The following LHX4 variants were observed in gnomAD, a reference collection of about 807,000 sequenced individuals.
LHX4 encodes the protein LIM/homeobox protein Lhx4.
LHX4 carries 16 observed loss-of-function variants against 39.2 expected under a neutral mutation model. That is an observed-to-expected ratio of 0.41 (90% CI 0.28 to 0.62). The LOEUF (loss-of-function observed/expected upper bound fraction) is 0.62, where lower values mean the gene tolerates loss of function less well. LHX4 is among the 20% of genes least tolerant of loss of function. LHX4 has a pLI of 0.33. For synonymous variants in LHX4, 206 were observed against 198.1 expected, an observed-to-expected ratio of 1.04 and a Z score of -0.33; for missense variants, 439 against 511.9, an observed-to-expected ratio of 0.86 and a Z score of 1.37.
chr1:180,238,618 T>C (rs1333059260), intron 1 of LHX4, among the ~76,000 whole-genome samples: 1 of 152,248 alleles, frequency 6.6e-6, no homozygotes, highest in Non-Finnish European at 1.5e-5. Context: ...TTTCTCTTTA[T>C]GTTTTAAAGA....
chr1:180,258,971 G>A (rs2149260609), intron 2 of LHX4, among the ~76,000 whole-genome samples: 1 of 152,238 alleles, frequency 6.6e-6, no homozygotes, highest in East Asian at 1.9e-4. Flanking sequence ...GCTATGGGAG[G>A]AGCAGAGGGT....
At chr1:180,271,598 C>A in intron 4 of LHX4, 64 bp downstream of exon 4, 2 of 1,588,764 alleles carry the variant, frequency 1.3e-6, no homozygotes, top group Non-Finnish European at 1.7e-6. Context: ...TGGAAGGTAT[C>A]CTGAGTGACA....
intron 2 of LHX4, among the ~76,000 whole-genome samples, chr1:180,263,495 GTGC>G (rs10543248): frequency 0.72 from 109,634 of 151,806 alleles, 39,702 homozygotes; most frequent in East Asian, 0.93. Flanking sequence ...GGCCAAGGAG[GTGC>G]TGCATGCGGC....
At chr1:180,237,708 C>T (rs1272270967) in intron 1 of LHX4, among the ~76,000 whole-genome samples, 1 of 152,156 alleles carries the variant, frequency 6.6e-6, no homozygotes, top group African/African-American at 2.4e-5. Context: ...ACCTCACCCC[C>T]ACATGTCTTT....
intron 3 of LHX4, 96 bp from the exon 4 acceptor site, chr1:180,271,284 A>G: frequency 7.2e-7 from 1 of 1,390,262 alleles, no homozygotes; most frequent in Non-Finnish European, 1.0e-6. Context: ...TACAGCAGGC[A>G]GGCTTAGGTG....
rs1030082070 is a variant in LHX4 at position 180,278,347 on chromosome 1, T to C, written c.*3768T>C. On this transcript the variant is annotated 3_prime_UTR_variant, in exon 6 of 6. Coordinates refer to ENST00000263726, the MANE Select transcript of LHX4 (RefSeq NM_033343.4). ...AAAAGCACATCACTGGCTCTCTTCTTTCTTGGATTGGTCAATTGGCCCTTT... is the reference window on the plus strand; with the variant it reads ...AAAAGCACATCACTGGCTCTCTTCTCTCTTGGATTGGTCAATTGGCCCTTT... The C allele has an allele frequency of 7.9e-5, 12 of 152,142 alleles. No individual in the cohort carries two copies. The highest frequency in any genetic ancestry group is 2.7e-4 in the African/African-American group (11 of 41,418). The allele number at this position is 152,142 out of a possible 1,614,324, so 9.4% of individuals were successfully genotyped here.
At chr1:180,237,975 TAATG>T (rs1664363417) in intron 1 of LHX4, among the ~76,000 whole-genome samples, 1 of 152,250 alleles carries the variant, frequency 6.6e-6, no homozygotes, top group African/African-American at 2.4e-5. Context: ...TGGATTTGCT[TAATG>T]TAATTTTCTG....
rs1436255188 is a variant in LHX4 at position 180,230,473 on chromosome 1, T to TAGAGCGAG, written c.-45_-38dup. On this transcript the variant is annotated 5_prime_UTR_variant, in exon 1 of 6. The change creates a premature stop within an existing upstream ORF in the 5' untranslated region. Coordinates refer to ENST00000263726, the MANE Select transcript of LHX4 (RefSeq NM_033343.4). The surrounding 1 kb of genome is among the most constrained non-coding windows in gnomAD (Gnocchi z 5.8). ...TTATTTTGAAATTTCTGAATCGAGC[T>TAGAGCGAG]AGAGCGAGAGAGCGAGAGATCTCCG... is the stretch of plus-strand genomic sequence containing the variant. The TAGAGCGAG allele has an allele frequency of 2.1e-6, 3 of 1,425,286 alleles. No homozygotes were observed. The highest frequency in any genetic ancestry group is 3.4e-5 in the Admixed American group (2 of 58,532). 88.3% of individuals were successfully genotyped at this position (1,425,286 alleles called of 1,614,324 possible). A position where few individuals can be genotyped will look rare whatever the true frequency, so the allele number is the denominator to read the frequency against.
chr1:180,276,135 C>T lies in LHX4; in HGVS notation c.*1556C>T, dbSNP rs1025192372. ...CTCCCATTCTCTTAAATGAGATCAGCAGAGTAGGAAAGGGTGAGAAGGCAT... is the reference window on the plus strand; with the variant it reads ...CTCCCATTCTCTTAAATGAGATCAGTAGAGTAGGAAAGGGTGAGAAGGCAT... On this transcript the variant is annotated 3_prime_UTR_variant, in exon 6 of 6. Transcript: ENST00000263726. 2.0e-5 allele frequency: 3 copies of T among 152,164 alleles called. No individual in the cohort carries two copies. The highest frequency in any genetic ancestry group is 7.2e-5 in the African/African-American group (3 of 41,428). 9.4% of individuals were successfully genotyped at this position (152,164 alleles called of 1,614,324 possible).
intron 2 of LHX4, among the ~76,000 whole-genome samples, chr1:180,262,356 C>G (rs1175853339): frequency 6.6e-6 from 1 of 150,982 alleles, no homozygotes; most frequent in Non-Finnish European, 1.5e-5. Context: ...TCCTTCCCTA[C>G]AAGGTGCCTG....
In LHX4 at chr1:180,278,401, C is replaced by CAGTG. The variant is rs1268476057; in HGVS notation, c.*3828_*3831dup. ...CAGTAGTTGCTCCAACTGTTCTAAA[C>CAGTG]AGTGAGTGACTGGAGCCAAAAAGAG... is the stretch of plus-strand genomic sequence containing the variant. On this transcript the variant is annotated 3_prime_UTR_variant, in exon 6 of 6. Transcript: ENST00000263726. 1 of 152,104 alleles carries CAGTG rather than the reference C, an allele frequency of 6.6e-6. No individual in the cohort carries two copies. Among genetic ancestry groups the CAGTG allele is most frequent in the African/African-American group, 2.4e-5 (1 of 41,402 alleles). 9.4% of individuals were successfully genotyped at this position (152,104 alleles called of 1,614,324 possible).
intron 1 of LHX4, among the ~76,000 whole-genome samples, chr1:180,235,157 G>T (rs1471448395): frequency 6.6e-6 from 1 of 152,280 alleles, no homozygotes; most frequent in Non-Finnish European, 1.5e-5. Context: ...GGGGACAAGG[G>T]AGGGACCGCC....
At chr1:180,259,523 C>T (rs919278049) in intron 2 of LHX4, among the ~76,000 whole-genome samples, 2 of 151,504 alleles carry the variant, frequency 1.3e-5, no homozygotes, top group African/African-American at 4.9e-5. Flanking sequence ...GGGGAGGGTC[C>T]AAGCCGGGCT....
intron 3 of LHX4, among the ~76,000 whole-genome samples, chr1:180,268,429 A>G (rs920041847): frequency 1.3e-5 from 2 of 152,156 alleles, no homozygotes; most frequent in Non-Finnish European, 2.9e-5. Context: ...TCACAGTTTT[A>G]TCGAGGAATA....
intron 1 of LHX4, among the ~76,000 whole-genome samples, chr1:180,239,322 C>G (rs1411128761): frequency 1.3e-5 from 2 of 152,232 alleles, no homozygotes; most frequent in African/African-American, 4.8e-5. Context: ...AACAGAACAG[C>G]AATGTCTGCA....
intron 2 of LHX4, among the ~76,000 whole-genome samples, chr1:180,253,085 G>A (rs1022069707): frequency 1.3e-5 from 2 of 152,194 alleles, no homozygotes; most frequent in Non-Finnish European, 2.9e-5. Flanking sequence ...TTCAGTGGCG[G>A]CTTCAAACAT....
upstream of LHX4, among the ~76,000 whole-genome samples, chr1:180,228,712 T>C (rs1325338139): frequency 6.6e-6 from 1 of 152,184 alleles, no homozygotes; most frequent in Non-Finnish European, 1.5e-5. Flanking sequence ...AAAGTCACTG[T>C]GACCTCATTG....
intron 4 of LHX4, 65 bp downstream of exon 4, chr1:180,271,599 C>T: frequency 6.3e-7 from 1 of 1,587,662 alleles, no homozygotes; most frequent in East Asian, 2.2e-5. Flanking sequence ...GGAAGGTATC[C>T]TGAGTGACAT....
chr1:180,271,608 A>G lies in LHX4; in HGVS notation c.606+74A>G, dbSNP rs74132441. ...AGGGGTGGAAGGTATCCTGAGTGAC[A>G]TCAGCTCACGGGTGGTTGGGCTCAG... On this transcript the variant is annotated intron_variant, in intron 4 of 5. Transcript: ENST00000263726. The G allele has an allele frequency of 1.9e-3, 3,067 of 1,576,110 alleles. 60 individuals carry two copies. The African/African-American group carries it at 0.036, about 19-fold the overall frequency.
Sources: gnomAD v4.1 joint callset for allele counts (sites outside exome capture counted in the v4.1 genomes callset) on GRCh38, gnomAD v4.1.1 for gene constraint, Gnocchi (gnomAD v3.1) non-coding constraint, MANE v1.5 for transcripts, NCBI Gene and HGNC (gene_info 2026-07-23, HGNC 2026-07-21) for gene names.